Variants in CPQ observed in about 807,000 individuals in gnomAD.
The protein encoded by CPQ is Ser-Met dipeptidase.
CPQ carries 37 observed loss-of-function variants against 45.7 expected under a neutral mutation model. The observed-to-expected ratio is 0.81, with a 90% CI of 0.62 to 1.07. The LOEUF (loss-of-function observed/expected upper bound fraction) is 1.07. Ranked by LOEUF, CPQ falls within the 50% of genes least tolerant of loss-of-function variation. CPQ has a pLI of 0.00. For synonymous variants in CPQ, 186 were observed against 205.8 expected (o/e 0.90, Z 0.82); for missense variants, 537 against 572.9 (o/e 0.94, Z 0.64).
At chr8:96,992,731 T>C (rs1187435019) in intron 5 of CPQ, among the ~76,000 whole-genome samples, 1 of 151,962 alleles carries the variant, frequency 6.6e-6, no homozygotes, top group African/African-American at 2.4e-5. Context: ...TAAAGGAGAG[T>C]CTCCCACTTT....
intron 2 of CPQ, among the ~76,000 whole-genome samples, chr8:96,821,126 ATTTTTTTTTT>A (rs572906188): frequency 3.3e-5 from 2 of 60,940 alleles, no homozygotes; most frequent in East Asian, 1.0e-3. Flanking sequence ...TTTAATCTGA[ATTTTTTTTTT>A]TTTTTTTTTT....
Position 96,936,308 on chromosome 8 carries a change from A to G in CPQ, c.850-29627A>G, listed in dbSNP as rs555501386. Among the ~76,000 whole-genome samples, 11 of 152,278 alleles carry G rather than the reference A, an allele frequency of 7.2e-5. 2 individuals are homozygous for G. In the South Asian group the frequency reaches 2.1e-3, roughly 29 times the overall value. ...AAGTTTTGCCTAACATCTTTTAGAA[A>G]TTGTTTTCAGGTCTGTTTCAATTCC... On this transcript the variant is annotated intron_variant, in intron 4 of 7. Coordinates refer to ENST00000220763, the MANE Select transcript of CPQ (RefSeq NM_016134.4).
At chr8:96,842,856 T>A (rs981676854) in intron 3 of CPQ, among the ~76,000 whole-genome samples, 2 of 152,128 alleles carry the variant, frequency 1.3e-5, no homozygotes, top group Admixed American at 1.3e-4. Context: ...GGAAATATCT[T>A]CTTTGTTTTT....
At chr8:96,722,180 T>C (rs904513388) in intron 1 of CPQ, among the ~76,000 whole-genome samples, 2 of 152,246 alleles carry the variant, frequency 1.3e-5, no homozygotes, top group Admixed American at 6.5e-5. Context: ...TTAATATTTA[T>C]TTATTGAATG....
chr8:96,917,223 C>A (rs569451945), intron 4 of CPQ, among the ~76,000 whole-genome samples: 1 of 152,010 alleles, frequency 6.6e-6, no homozygotes, highest in Non-Finnish European at 1.5e-5. Context: ...ATATATTATC[C>A]ATAATTCTTC....
intron 1 of CPQ, among the ~76,000 whole-genome samples, chr8:96,695,427 A>G (rs1809363760): frequency 6.7e-6 from 1 of 149,796 alleles, no homozygotes; most frequent in African/African-American, 2.5e-5. Flanking sequence ...AACAAAAGCC[A>G]AAATTGACAA....
intron 7 of CPQ, among the ~76,000 whole-genome samples, chr8:97,098,200 G>A: frequency 6.6e-6 from 1 of 152,130 alleles, no homozygotes. Context: ...ATGGCTTTCT[G>A]CAGCTGCTTC....
intron 4 of CPQ, among the ~76,000 whole-genome samples, chr8:96,899,971 T>C (rs538109837): frequency 1.1e-4 from 16 of 152,268 alleles, no homozygotes; most frequent in African/African-American, 3.8e-4. Flanking sequence ...AAATAGATGA[T>C]GTTGTCTTTG....
intron 2 of CPQ, among the ~76,000 whole-genome samples, chr8:96,821,138 T>C (rs1586413860): frequency 6.7e-6 from 1 of 148,822 alleles, no homozygotes; most frequent in African/African-American, 2.5e-5. Context: ...TTTTTTTTTT[T>C]TTTTTTTTTT....
intron 3 of CPQ, among the ~76,000 whole-genome samples, chr8:96,854,392 G>A (rs1278669993): frequency 8.0e-5 from 12 of 149,358 alleles, no homozygotes; most frequent in Admixed American, 2.0e-4. Flanking sequence ...TTAGCAGGGC[G>A]TAGTGGCGGG....
chr8:96,908,747 G>A (rs373560172), intron 4 of CPQ, among the ~76,000 whole-genome samples: 62 of 140,916 alleles, frequency 4.4e-4, no homozygotes, highest in Admixed American at 2.4e-3. Flanking sequence ...ATACACATGC[G>A]CACACACACA....
chr8:96,842,257 C>T (rs1563510772), intron 3 of CPQ, among the ~76,000 whole-genome samples: 1 of 151,990 alleles, frequency 6.6e-6, no homozygotes, highest in Admixed American at 6.6e-5. Flanking sequence ...TTTTTGATGT[C>T]CTGGTGGTTT....
chr8:97,003,617 A>G (rs962741285), intron 5 of CPQ, among the ~76,000 whole-genome samples: 1 of 152,106 alleles, frequency 6.6e-6, no homozygotes, highest in Non-Finnish European at 1.5e-5. Context: ...ATCTGACTCA[A>G]TCTGGAGTAA....
At chr8:96,824,994 C>G (rs1382057159) in intron 2 of CPQ, among the ~76,000 whole-genome samples, 3 of 151,980 alleles carry the variant, frequency 2.0e-5, no homozygotes, top group Non-Finnish European at 2.9e-5. Context: ...TGGTGGCCTT[C>G]TGTTATTTGG....
intron 1 of CPQ, among the ~76,000 whole-genome samples, chr8:96,674,112 A>T (rs372500370): frequency 1.1e-3 from 163 of 152,338 alleles, no homozygotes; most frequent in African/African-American, 3.7e-3. Flanking sequence ...AACCATTTTT[A>T]GAGTATCTCA....
chr8:96,670,018 T>A (rs1196107423), intron 1 of CPQ, among the ~76,000 whole-genome samples: 1 of 152,254 alleles, frequency 6.6e-6, no homozygotes, highest in Non-Finnish European at 1.5e-5. Flanking sequence ...TCATTAACTT[T>A]GAACTCATTG....
chr8:96,985,942 T>C (rs1230001275), intron 5 of CPQ, among the ~76,000 whole-genome samples: 1 of 152,240 alleles, frequency 6.6e-6, no homozygotes, highest in African/African-American at 2.4e-5. Flanking sequence ...ATAATTTTTC[T>C]ATGTTTTTTA....
rs766836838 is a variant in CPQ, at chr8:96,987,172, A to G, written c.961+21126A>G. ...ATACTTTCACCTCTCCTCATTCAAC[A>G]TATGTCCATATGTTATGTATACTTC... On this transcript the variant is annotated intron_variant, in intron 5 of 7. Transcript: ENST00000220763. Among the ~76,000 whole-genome samples, 37 of 152,098 alleles carry G rather than the reference A, an allele frequency of 2.4e-4. 3 individuals are homozygous for G. Among genetic ancestry groups the G allele is most frequent in the Non-Finnish European group, 7.3e-5 (5 of 68,030 alleles).
At chr8:97,126,723 A>C (rs923272019) in intron 7 of CPQ, among the ~76,000 whole-genome samples, 4 of 152,148 alleles carry the variant, frequency 2.6e-5, no homozygotes, top group African/African-American at 9.7e-5. Context: ...AGACTTAAAT[A>C]AATGAAAGAA....
Sources: gnomAD v4.1 joint callset for allele counts (sites outside exome capture counted in the v4.1 genomes callset) on GRCh38, gnomAD v4.1.1 for gene constraint, MANE v1.5 for transcripts, NCBI Gene and HGNC (gene_info 2026-07-23, HGNC 2026-07-21) for gene names.